The following ZNRF2 variants were observed in gnomAD, a reference collection of about 807,000 sequenced individuals.
ZNRF2 encodes the protein E3 ubiquitin-protein ligase ZNRF2.
In ZNRF2, 16 loss-of-function variants were observed where a neutral mutation model predicts 20.4. That is an observed-to-expected ratio of 0.79 (90% CI 0.53 to 1.19). The LOEUF (loss-of-function observed/expected upper bound fraction) is 1.19, where lower values mean the gene tolerates loss of function less well. ZNRF2 is among the 50% of genes most tolerant of loss of function. The probability of loss-of-function intolerance (pLI) is 0.00; values close to 1 mark genes in which losing one functional copy is unlikely to be tolerated. For synonymous variants in ZNRF2, 178 were observed against 144.9 expected (o/e 1.23, Z -1.64); for missense variants, 363 against 332.4 (o/e 1.09, Z -0.72).
At chr7:30,364,234 A>T (rs1317171720) in intron 4 of ZNRF2, among the ~76,000 whole-genome samples, 1 of 152,226 alleles carries the variant, frequency 6.6e-6, no homozygotes, top group Non-Finnish European at 1.5e-5. Context: ...ACCTGAAATG[A>T]GAACTGCAGT....
At chr7:30,340,216 C>T (rs188796000) in intron 2 of ZNRF2, among the ~76,000 whole-genome samples, 1 of 152,244 alleles carries the variant, frequency 6.6e-6, no homozygotes, top group Non-Finnish European at 1.5e-5. Context: ...GACTTCCTCT[C>T]TCCCTGTTTG....
intron 2 of ZNRF2, among the ~76,000 whole-genome samples, chr7:30,337,162 G>T (rs886808368): frequency 2.0e-5 from 3 of 152,036 alleles, no homozygotes; most frequent in African/African-American, 7.2e-5. Context: ...TATGTTGTTT[G>T]CACAGATATT....
At chr7:30,304,951 A>G (rs550670316) in intron 1 of ZNRF2, among the ~76,000 whole-genome samples, 2 of 152,324 alleles carry the variant, frequency 1.3e-5, no homozygotes, top group South Asian at 2.1e-4. Context: ...TTAAAATTAA[A>G]TTATATAAAT....
chr7:30,314,518 A>T (rs1052363915), intron 1 of ZNRF2, among the ~76,000 whole-genome samples: 1 of 152,050 alleles, frequency 6.6e-6, no homozygotes, highest in Non-Finnish European at 1.5e-5. Context: ...GGTGGAGGAG[A>T]CAAAAAAGAT....
rs1187232561 is a variant in ZNRF2 at position 30,285,479 on chromosome 7, C to T, written c.122C>T (p.Ala41Val). 1 of 1,095,638 alleles carries T rather than the reference C, an allele frequency of 9.1e-7. No homozygotes were observed. Among genetic ancestry groups the T allele is most frequent in the African/African-American group, 1.8e-5 (1 of 57,140 alleles). The allele number at this position is 1,095,638 out of a possible 1,614,324, so 67.9% of individuals were successfully genotyped here. Residue 41 changes from alanine to valine, a missense_variant, in exon 1 of 5, where the codon GCT (alanine) becomes GTT (valine). Ala to Val is a moderately conservative substitution (Grantham distance 64). Around this residue, in one of 2 missense-constraint regions of ZNRF2, gnomAD observed 302 missense variants for 231.5 expected, o/e 1.30. Coordinates refer to ENST00000323037, the MANE Select transcript of ZNRF2 (RefSeq NM_147128.4). ...GGGACCGCGGGCGGCGGCGGGGGCGCTCGGGCCGCCGCCGCGGGGAGGTTC... is the reference window on the plus strand; with the variant it reads ...GGGACCGCGGGCGGCGGCGGGGGCGTTCGGGCCGCCGCCGCGGGGAGGTTC... ...ANGTAGGGGG[A>V]RAAAAGRFPA...
At chr7:30,292,630 T>G (rs1434895901) in intron 1 of ZNRF2, among the ~76,000 whole-genome samples, 1 of 152,028 alleles carries the variant, frequency 6.6e-6, no homozygotes, top group African/African-American at 2.4e-5. Context: ...AATCGGGTTT[T>G]AAGGATGACC....
intron 2 of ZNRF2, among the ~76,000 whole-genome samples, chr7:30,349,376 T>G (rs1799930060): frequency 2.0e-5 from 3 of 152,242 alleles, no homozygotes; most frequent in African/African-American, 7.2e-5. Context: ...TTATTACCAC[T>G]TAAGATTGCA....
chr7:30,365,733 A>G (rs2127959173), intron 4 of ZNRF2, among the ~76,000 whole-genome samples: 2 of 152,340 alleles, frequency 1.3e-5, no homozygotes, highest in South Asian at 4.1e-4. Flanking sequence ...ATAGAGAGAC[A>G]TGAATATTTG....
chr7:30,354,559 A>G (rs1416481832), intron 2 of ZNRF2, among the ~76,000 whole-genome samples: 2 of 152,206 alleles, frequency 1.3e-5, no homozygotes, highest in African/African-American at 2.4e-5. Context: ...TAATGTACAC[A>G]ATCAAATTTG....
intron 2 of ZNRF2, among the ~76,000 whole-genome samples, chr7:30,337,958 T>C (rs1374524017): frequency 6.6e-6 from 1 of 152,274 alleles, no homozygotes; most frequent in East Asian, 1.9e-4. Context: ...AAGATACATA[T>C]ATTCTTCCCA....
chr7:30,290,971 A>G (rs1360917513), intron 1 of ZNRF2, among the ~76,000 whole-genome samples: 1 of 152,252 alleles, frequency 6.6e-6, no homozygotes, highest in African/African-American at 2.4e-5. Context: ...ATATGTGATC[A>G]TTATACAATG....
chr7:30,306,878 A>G (rs539898019), intron 1 of ZNRF2, among the ~76,000 whole-genome samples: 49 of 152,222 alleles, frequency 3.2e-4, no homozygotes, highest in African/African-American at 9.9e-4. Context: ...TCTCAATACT[A>G]CTAGAAAGTT....
At chr7:30,293,248 A>ATTTTTTTT (rs71557451) in intron 1 of ZNRF2, among the ~76,000 whole-genome samples, 1 of 133,730 alleles carries the variant, frequency 7.5e-6, no homozygotes, top group Non-Finnish European at 1.6e-5. Flanking sequence ...AAATTTTTAC[A>ATTTTTTTT]TTTTTTTTTT....
intron 2 of ZNRF2, among the ~76,000 whole-genome samples, chr7:30,353,670 T>C (rs763202454): frequency 1.3e-5 from 2 of 152,180 alleles, no homozygotes; most frequent in Non-Finnish European, 2.9e-5. Context: ...TATTCTCATC[T>C]CAAAGACTTT....
chr7:30,291,143 A>G (rs114906738), intron 1 of ZNRF2, among the ~76,000 whole-genome samples: 2 of 152,246 alleles, frequency 1.3e-5, no homozygotes, highest in African/African-American at 2.4e-5. Context: ...AAAAATCCAC[A>G]AAAGTGTGGG....
At chr7:30,304,025 G>A (rs1396324354) in intron 1 of ZNRF2, among the ~76,000 whole-genome samples, 1 of 152,028 alleles carries the variant, frequency 6.6e-6, no homozygotes. Context: ...AAGTTGCCTG[G>A]GTAGTGGTGG....
intron 4 of ZNRF2, among the ~76,000 whole-genome samples, chr7:30,363,334 T>A (rs1362682653): frequency 6.6e-6 from 1 of 152,198 alleles, no homozygotes; most frequent in African/African-American, 2.4e-5. Flanking sequence ...GTCTAATTGT[T>A]ACAATAACCG....
chr7:30,289,045 G>T (rs1200827908), intron 1 of ZNRF2: 1 of 152,172 alleles, frequency 6.6e-6, no homozygotes, highest in Non-Finnish European at 1.5e-5. Flanking sequence ...ATTATTTCCA[G>T]AGAAATCGTG....
At chr7:30,361,007 C>T (rs1217634332) in intron 3 of ZNRF2, among the ~76,000 whole-genome samples, 3 of 152,156 alleles carry the variant, frequency 2.0e-5, no homozygotes, top group Non-Finnish European at 4.4e-5. Flanking sequence ...TGTAGATTGA[C>T]AGACGTTTAT....
Sources: gnomAD v4.1 joint callset for allele counts (sites outside exome capture counted in the v4.1 genomes callset) on GRCh38, gnomAD v4.1.1 for gene constraint, gnomAD v4.1.1 regional missense constraint, MANE v1.5 for transcripts, NCBI Gene and HGNC (gene_info 2026-07-23, HGNC 2026-07-21) for gene names.